The following AGBL4 variants were observed in gnomAD, a reference collection of about 807,000 sequenced individuals.
AGBL4 encodes cytosolic carboxypeptidase 6.
AGBL4 carries 58 observed loss-of-function variants against 66.4 expected under a neutral mutation model. The ratio of observed to expected loss-of-function variants is 0.87; its 90% CI spans 0.71 to 1.09. The LOEUF (loss-of-function observed/expected upper bound fraction) is 1.09. Among genes scored for constraint, AGBL4 ranks in the 50% least tolerant of loss-of-function variants. The pLI is 0.00. For missense variants in AGBL4, 579 were observed against 631.0 expected (o/e 0.92, Z 0.88); for synonymous variants, 234 against 222.9 (o/e 1.05, Z -0.44).
intron 4 of AGBL4, among the ~76,000 whole-genome samples, chr1:49,066,692 A>G (rs1362876819): frequency 6.6e-6 from 1 of 152,208 alleles, no homozygotes; most frequent in African/African-American, 2.4e-5. Flanking sequence ...TTAATCAGAA[A>G]TCACATCTCT....
chr1:49,429,503 T>C lies in AGBL4; in HGVS notation c.283-183639A>G, dbSNP rs1645736658. ...ACCCTTATTTCTTCAAATACTAAAATCAGCTGCATATTCAAATGTCTGTGT... is the reference window on the plus strand; with the variant it reads ...ACCCTTATTTCTTCAAATACTAAAACCAGCTGCATATTCAAATGTCTGTGT... On this transcript the variant is annotated intron_variant, in intron 3 of 13. Transcript: ENST00000371839. Among the ~76,000 whole-genome samples the C allele has an allele frequency of 2.0e-5, 3 of 152,196 alleles. No homozygotes were observed. The South Asian group carries it at 6.2e-4, about 31-fold the overall frequency.
At chr1:49,234,428 G>C (rs968751817) in intron 4 of AGBL4, among the ~76,000 whole-genome samples, 7 of 152,056 alleles carry the variant, frequency 4.6e-5, no homozygotes, top group Non-Finnish European at 1.0e-4. Context: ...ATCCTCTAGG[G>C]AAAAAGGAGA....
intron 3 of AGBL4, among the ~76,000 whole-genome samples, chr1:49,563,275 CTTT>C (rs1644101381): frequency 6.6e-6 from 1 of 152,060 alleles, no homozygotes. Flanking sequence ...TTGACTTCCT[CTTT>C]TCCTAATTGA....
chr1:48,678,624 C>T (rs1646406407), intron 6 of AGBL4, among the ~76,000 whole-genome samples: 1 of 152,216 alleles, frequency 6.6e-6, no homozygotes, highest in Non-Finnish European at 1.5e-5. Context: ...AGAAGCCCAG[C>T]CTGCTCACTT....
At chr1:49,003,017 T>C (rs983093698) in intron 5 of AGBL4, among the ~76,000 whole-genome samples, 18 of 152,186 alleles carry the variant, frequency 1.2e-4, no homozygotes, top group Non-Finnish European at 2.2e-4. Context: ...TGAATATTTT[T>C]CTGTCACAGA....
At chr1:49,281,019 C>A (rs928138284) in intron 3 of AGBL4, among the ~76,000 whole-genome samples, 32 of 152,130 alleles carry the variant, frequency 2.1e-4, no homozygotes, top group Admixed American at 2.1e-3. Flanking sequence ...ATTTGTTGAA[C>A]ACTAAGTTCC....
chr1:48,757,013 G>T (rs1394932812), intron 6 of AGBL4, among the ~76,000 whole-genome samples: 1 of 152,144 alleles, frequency 6.6e-6, no homozygotes, highest in African/African-American at 2.4e-5. Flanking sequence ...ACATGTTTTA[G>T]GACTAAAAGA....
intron 9 of AGBL4, among the ~76,000 whole-genome samples, chr1:48,627,233 GA>G (rs1441414388): frequency 6.6e-5 from 10 of 152,294 alleles, no homozygotes; most frequent in Non-Finnish European, 1.3e-4. Flanking sequence ...CGGTTTAATT[GA>G]ATGGTGAAAC....
chr1:48,814,323 A>T (rs1646124824), intron 6 of AGBL4, among the ~76,000 whole-genome samples: 1 of 151,360 alleles, frequency 6.6e-6, no homozygotes, highest in African/African-American at 2.4e-5. Context: ...CTTTTTAAAA[A>T]TATTTTTTAA....
intron 6 of AGBL4, among the ~76,000 whole-genome samples, chr1:48,687,901 C>T (rs931677960): frequency 6.6e-6 from 1 of 152,236 alleles, no homozygotes; most frequent in African/African-American, 2.4e-5. Context: ...CGTCCCTGGC[C>T]ACCCTTGACA....
intron 6 of AGBL4, among the ~76,000 whole-genome samples, chr1:48,858,735 T>C (rs945257559): frequency 3.9e-5 from 6 of 152,168 alleles, no homozygotes; most frequent in Admixed American, 3.9e-4. Context: ...GTGATGGCAG[T>C]GTTCTGGAAC....
intron 3 of AGBL4, among the ~76,000 whole-genome samples, chr1:49,323,834 T>TACCC: frequency 6.6e-6 from 1 of 152,012 alleles, no homozygotes; most frequent in South Asian, 2.1e-4. Context: ...GTTCAAAAGA[T>TACCC]ACCTATAGAG....
At chr1:48,939,055 G>C (rs1655722605) in intron 5 of AGBL4, among the ~76,000 whole-genome samples, 1 of 152,138 alleles carries the variant, frequency 6.6e-6, no homozygotes, top group South Asian at 2.1e-4. Context: ...GTCTGGATTT[G>C]AACTTTAGGT....
chr1:49,340,220 A>G (rs1403500534), intron 3 of AGBL4, among the ~76,000 whole-genome samples: 2 of 151,050 alleles, frequency 1.3e-5, no homozygotes, highest in African/African-American at 4.9e-5. Flanking sequence ...TCTATGGAAA[A>G]AAAAAAAAAA....
At chr1:49,842,674 T>C (rs1216979499) in intron 2 of AGBL4, among the ~76,000 whole-genome samples, 4 of 152,124 alleles carry the variant, frequency 2.6e-5, no homozygotes, top group Non-Finnish European at 4.4e-5. Flanking sequence ...AGTTGGATGA[T>C]TACAGATTGT....
At chr1:49,824,330 C>T (rs1395835038) in intron 2 of AGBL4, among the ~76,000 whole-genome samples, 1 of 152,164 alleles carries the variant, frequency 6.6e-6, no homozygotes, top group Non-Finnish European at 1.5e-5. Context: ...CTTGGGCTGA[C>T]ACCTGGGTTA....
chr1:49,266,815 T>C (rs1643931823), intron 3 of AGBL4, among the ~76,000 whole-genome samples: 1 of 152,164 alleles, frequency 6.6e-6, no homozygotes, highest in African/African-American at 2.4e-5. Flanking sequence ...CATTAAGACA[T>C]ATGAGCATGT....
chr1:49,898,161 C>A (rs1649407461), intron 1 of AGBL4, among the ~76,000 whole-genome samples: 1 of 151,948 alleles, frequency 6.6e-6, no homozygotes, highest in Non-Finnish European at 1.5e-5. Context: ...AAATAATCAA[C>A]AAAGTGAAGA....
intron 3 of AGBL4, among the ~76,000 whole-genome samples, chr1:49,392,356 C>A (rs1223136048): frequency 6.6e-6 from 1 of 152,086 alleles, no homozygotes; most frequent in East Asian, 1.9e-4. Context: ...GCTGGCAGAG[C>A]CCTCTAAATG....
Sources: gnomAD v4.1 joint callset for allele counts (sites outside exome capture counted in the v4.1 genomes callset) on GRCh38, gnomAD v4.1.1 for gene constraint, MANE v1.5 for transcripts, NCBI Gene and HGNC (gene_info 2026-07-23, HGNC 2026-07-21) for gene names.